CTIF: variants seen among roughly 807,000 people sequenced by gnomAD.
The protein encoded by CTIF is CBP80/20-dependent translation initiation factor.
Under a neutral mutation model 66.0 loss-of-function variants are expected in CTIF, and 21 were observed. The observed-to-expected ratio is 0.32, with a 90% CI of 0.23 to 0.46. The LOEUF is 0.46. CTIF is among the 20% of genes least tolerant of loss of function. The pLI, the probability that CTIF is intolerant of heterozygous loss-of-function variation, is 1.00. For synonymous variants in CTIF, 345 were observed against 326.4 expected (o/e 1.06, Z -0.62); for missense variants, 739 against 812.7 (o/e 0.91, Z 1.10).
At chr18:48,793,222 C>G (rs765615811) in intron 9 of CTIF, among the ~76,000 whole-genome samples, 32 of 152,202 alleles carry the variant, frequency 2.1e-4, no homozygotes, top group Admixed American at 5.9e-4. Flanking sequence ...AAGTAATTAT[C>G]CTTATAAATC....
intron 10 of CTIF, among the ~76,000 whole-genome samples, chr18:48,836,669 T>C (rs896473421): frequency 6.6e-6 from 1 of 152,182 alleles, no homozygotes; most frequent in African/African-American, 2.4e-5. Context: ...CTGCCGTTGG[T>C]CATGCCCAGG....
At chr18:48,699,390 G>A (rs2092050886) in intron 6 of CTIF, among the ~76,000 whole-genome samples, 1 of 150,952 alleles carries the variant, frequency 6.6e-6, no homozygotes, top group Admixed American at 6.6e-5. Flanking sequence ...GGAAGTGCCA[G>A]CATGGGGCTG....
chr18:48,655,124 T>G (rs893376167), intron 3 of CTIF, among the ~76,000 whole-genome samples: 2 of 151,140 alleles, frequency 1.3e-5, no homozygotes, highest in African/African-American at 4.9e-5. Flanking sequence ...AAGTATAATT[T>G]AAAAATAATA....
At chr18:48,566,680 T>C (rs927859025) in intron 1 of CTIF, 2 of 152,190 alleles carry the variant, frequency 1.3e-5, no homozygotes, top group Admixed American at 1.3e-4. Context: ...TTGACACCTC[T>C]GTTGCAGAGG....
chr18:48,769,662 G>A (rs975720454), intron 9 of CTIF, among the ~76,000 whole-genome samples: 2 of 152,268 alleles, frequency 1.3e-5, no homozygotes, highest in African/African-American at 4.8e-5. Context: ...GCCAATGCCT[G>A]ACTCCTATCC....
At chr18:48,823,743 A>G (rs2146380927) in intron 10 of CTIF, among the ~76,000 whole-genome samples, 1 of 152,344 alleles carries the variant, frequency 6.6e-6, no homozygotes, top group South Asian at 2.1e-4. Flanking sequence ...TTGAATCTGC[A>G]GATTGCTTTG....
Position 48,722,498 on chromosome 18 carries a change from G to A in CTIF, c.584+10803G>A, listed in dbSNP as rs955039052. 1.4e-4 allele frequency among the ~76,000 whole-genome samples: 22 copies of A among 152,210 alleles called. No individual in the cohort carries two copies. The East Asian group carries it at 1.9e-3, about 13-fold the overall frequency. On this transcript the variant is annotated intron_variant, in intron 7 of 11. Coordinates refer to ENST00000256413, the MANE Select transcript of CTIF (RefSeq NM_014772.3). ...AGCCTCCCACAGTGCTAGGATTAAGGGCATGAGCCACAGCACCCAGCCTCT... is the reference window on the plus strand; with the variant it reads ...AGCCTCCCACAGTGCTAGGATTAAGAGCATGAGCCACAGCACCCAGCCTCT...
At position 48,636,625 on chromosome 18, in the gene CTIF, C is replaced by T; in HGVS notation, c.192C>T (p.Asp64=). 6.3e-7 allele frequency: 1 copy of T among 1,586,482 alleles called. No homozygotes were observed. Among genetic ancestry groups the T allele is most frequent in the Non-Finnish European group, 8.6e-7 (1 of 1,168,964 alleles). The change falls in exon 3 of 12, where the codon GAC becomes GAT. Residue 64 remains aspartate (D), a synonymous_variant. Coordinates refer to ENST00000256413, the MANE Select transcript of CTIF (RefSeq NM_014772.3). Reference sequence around the variant, plus strand: ...TTTCTGTTCTGCAGTGGACAGCGGACTGCAGCGAACCGCTGGACAGCAGCT... The same window carrying T: ...TTTCTGTTCTGCAGTGGACAGCGGATTGCAGCGAACCGCTGGACAGCAGCT... ...TQSHISQWTA[D]CSEPLDSSCS...
At chr18:48,852,470 AC>A (rs1304356891) in intron 10 of CTIF, among the ~76,000 whole-genome samples, 4 of 151,882 alleles carry the variant, frequency 2.6e-5, no homozygotes, top group Non-Finnish European at 5.9e-5. Flanking sequence ...CCCACCTCCA[AC>A]TTTTTCTAGA....
At chr18:48,747,500 A>C (rs1362318240) in intron 7 of CTIF, among the ~76,000 whole-genome samples, 1 of 152,202 alleles carries the variant, frequency 6.6e-6, no homozygotes, top group Non-Finnish European at 1.5e-5. Flanking sequence ...TCATTGTCCT[A>C]GGGAAGCTCC....
intron 9 of CTIF, among the ~76,000 whole-genome samples, chr18:48,776,051 C>A (rs774520960): frequency 6.6e-6 from 1 of 152,230 alleles, no homozygotes; most frequent in Admixed American, 6.5e-5. Context: ...AGCCTTGGGC[C>A]GTCTTTTGCA....
At chr18:48,744,190 C>T (rs563561667) in intron 7 of CTIF, among the ~76,000 whole-genome samples, 1 of 152,310 alleles carries the variant, frequency 6.6e-6, no homozygotes, top group South Asian at 2.1e-4. Flanking sequence ...CACAGATGCA[C>T]AATGAGCTCT....
chr18:48,687,090 A>C (rs1471697683), intron 6 of CTIF, among the ~76,000 whole-genome samples: 1 of 151,970 alleles, frequency 6.6e-6, no homozygotes, highest in African/African-American at 2.4e-5. Flanking sequence ...CGGAAGACTG[A>C]GCTCTGTGTG....
At chr18:48,749,456 C>T (rs1907581830) in intron 7 of CTIF, among the ~76,000 whole-genome samples, 1 of 152,198 alleles carries the variant, frequency 6.6e-6, no homozygotes, top group Admixed American at 6.5e-5. Flanking sequence ...GAACAGAAGC[C>T]AGGCATCCTG....
intron 1 of CTIF, among the ~76,000 whole-genome samples, chr18:48,575,725 C>T (rs1347996827): frequency 6.6e-6 from 1 of 152,242 alleles, no homozygotes; most frequent in Non-Finnish European, 1.5e-5. Flanking sequence ...CCTCCCTGCC[C>T]CGGATGCCTT....
intron 1 of CTIF, among the ~76,000 whole-genome samples, chr18:48,543,559 A>C (rs1463071333): frequency 6.6e-6 from 1 of 152,158 alleles, no homozygotes; most frequent in Non-Finnish European, 1.5e-5. Flanking sequence ...CTTTGGAATT[A>C]AGGCCAGAGC....
intron 7 of CTIF, among the ~76,000 whole-genome samples, chr18:48,756,780 G>A (rs1908407200): frequency 1.3e-5 from 2 of 152,166 alleles, no homozygotes; most frequent in Admixed American, 6.5e-5. Flanking sequence ...CCCTTCACTT[G>A]CCTTTTGGCC....
chr18:48,716,091 G>A (rs1263062593), intron 7 of CTIF, among the ~76,000 whole-genome samples: 1 of 152,076 alleles, frequency 6.6e-6, no homozygotes, highest in African/African-American at 2.4e-5. Context: ...GGGAGGCAGT[G>A]CCCCGCTCCT....
rs1464975570 is a variant in CTIF, at chr18:48,717,487, G to A, written c.584+5792G>A. On this transcript the variant is annotated intron_variant, in intron 7 of 11. Coordinates refer to ENST00000256413, the MANE Select transcript of CTIF (RefSeq NM_014772.3). ...CCTCCCTCTCTTCCTCTGCCAACGT[G>A]AACCCAGACCCTAAGTGTCAGTCAT... Among the ~76,000 whole-genome samples the A allele has an allele frequency of 2.0e-5, 3 of 151,954 alleles. No homozygotes were observed. In the East Asian group the frequency reaches 5.8e-4, roughly 29 times the overall value.
Sources: gnomAD v4.1 joint callset for allele counts (sites outside exome capture counted in the v4.1 genomes callset) on GRCh38, gnomAD v4.1.1 for gene constraint, MANE v1.5 for transcripts, NCBI Gene and HGNC (gene_info 2026-07-23, HGNC 2026-07-21) for gene names.